FER1L5: variants seen among roughly 807,000 people sequenced by gnomAD.
FER1L5 encodes fer-1-like protein 5.
In FER1L5, 187 loss-of-function variants were observed where a neutral mutation model predicts 279.9. That is an observed-to-expected ratio of 0.67 (90% CI 0.59 to 0.75). The LOEUF (loss-of-function observed/expected upper bound fraction) is 0.75. Ranked by LOEUF, FER1L5 falls within the 30% of genes least tolerant of loss-of-function variation. FER1L5 has a pLI of 0.00. For synonymous variants in FER1L5, 921 were observed against 989.7 expected (o/e 0.93, Z 1.30); for missense variants, 2,091 against 2,594.4 (o/e 0.81, Z 4.21).
intron 37 of FER1L5, among the ~76,000 whole-genome samples, chr2:96,696,761 T>A (rs1291449862): frequency 4.6e-5 from 7 of 152,086 alleles, no homozygotes; most frequent in Non-Finnish European, 8.8e-5. Flanking sequence ...AAAAATTAGC[T>A]GAGCATGCTG....
intron 44 of FER1L5, 28 bp downstream of exon 44, chr2:96,700,108 GCA>G: frequency 6.2e-7 from 1 of 1,612,760 alleles, no homozygotes; most frequent in Non-Finnish European, 8.5e-7. Context: ...CTAGCAGAAA[GCA>G]CAGACACAGG....
chr2:96,698,359 G>C lies in FER1L5; in HGVS notation c.4356+203G>C, dbSNP rs527964770. Reference sequence around the variant, plus strand: ...CCCCTCCCCACCCTGGCCTATGCTGGCCTCCCAAGGCTGCAAAGCCACAGA... The same window carrying C: ...CCCCTCCCCACCCTGGCCTATGCTGCCCTCCCAAGGCTGCAAAGCCACAGA... On this transcript the variant is annotated intron_variant, in intron 40 of 52. Transcript: ENST00000624922. This position sits in a 1 kb window ranked among gnomAD's most constrained non-coding sequence, Gnocchi z 5.5. Among the ~76,000 whole-genome samples the C allele has an allele frequency of 3.3e-5, 5 of 152,264 alleles. No individual in the cohort carries two copies. The highest frequency in any genetic ancestry group is 1.2e-4 in the African/African-American group (5 of 41,562).
At chr2:96,685,827 T>C in intron 21 of FER1L5, 113 bp from the exon 22 acceptor site, 1 of 1,310,080 alleles carries the variant, frequency 7.6e-7, no homozygotes, top group Non-Finnish European at 1.0e-6. Flanking sequence ...TAGCAGCAGA[T>C]GGGGGCAGGA....
At chr2:96,657,289 G>A (rs549965555) in intron 9 of FER1L5, among the ~76,000 whole-genome samples, 38 of 151,918 alleles carry the variant, frequency 2.5e-4, no homozygotes, top group African/African-American at 4.8e-4. Context: ...CGGCCAGGCT[G>A]GTCTCAAACT....
At chr2:96,699,855 C>A in intron 43 of FER1L5, 77 bp from the exon 44 acceptor site, 3 of 1,584,600 alleles carry the variant, frequency 1.9e-6, no homozygotes, top group Non-Finnish European at 2.6e-6. Flanking sequence ...AGCTTCCACC[C>A]GTGGTCAACC....
chr2:96,651,949 G>A lies in FER1L5; in HGVS notation c.562G>A (p.Val188Met). The A allele has an allele frequency of 6.4e-7, 1 of 1,551,994 alleles. No homozygotes were observed. The highest frequency in any genetic ancestry group is 8.7e-7 in the Non-Finnish European group (1 of 1,147,058). The change falls in exon 7 of 53, where the codon GTG becomes ATG. Residue 188 changes from valine to methionine, a missense_variant. Coordinates refer to ENST00000624922, the MANE Select transcript of FER1L5 (RefSeq NM_001293083.2). ...QLMGNNIKPV[V>M]KVSIAGQQHQ... Reference sequence around the variant, plus strand: ...CATGGGCAACAACATCAAACCAGTGGTGAAGGTGTCCATCGCAGGCCAGCA... The same window carrying A: ...CATGGGCAACAACATCAAACCAGTGATGAAGGTGTCCATCGCAGGCCAGCA...
At chr2:96,673,020 A>T in intron 18 of FER1L5, 57 bp from the exon 19 acceptor site, 1 of 1,507,760 alleles carries the variant, frequency 6.6e-7, no homozygotes, top group East Asian at 2.5e-5. Context: ...CCTGCCTGTC[A>T]ATATAACCCT....
chr2:96,664,321 G>A (rs4907247), intron 14 of FER1L5, among the ~76,000 whole-genome samples: 1,856 of 152,094 alleles, frequency 0.012, 125 homozygotes, highest in Admixed American at 0.11. Flanking sequence ...AATGCCTCTT[G>A]GGAATCCCTC....
chr2:96,701,938 A>G lies in FER1L5; in HGVS notation c.5071-17A>G. ...GAGGCTAGCAACCCCCAACCAGTCA[A>G]TGTATCCCGGCTCTAGGGAAAGGTG... On this transcript the variant is annotated splice_polypyrimidine_tract_variant and intron_variant, in intron 45 of 52. Coordinates refer to ENST00000624922, the MANE Select transcript of FER1L5 (RefSeq NM_001293083.2). 6.2e-7 allele frequency: 1 copy of G among 1,613,380 alleles called. No homozygotes were observed. Among genetic ancestry groups the G allele is most frequent in the Non-Finnish European group, 8.5e-7 (1 of 1,179,466 alleles).
At chr2:96,643,630 G>A (rs1413683253) in intron 1 of FER1L5, among the ~76,000 whole-genome samples, 3 of 151,988 alleles carry the variant, frequency 2.0e-5, no homozygotes, top group Non-Finnish European at 2.9e-5. Context: ...GATTACAGGC[G>A]TGAGCCACCG....
Position 96,693,483 on chromosome 2 carries a change from T to C in FER1L5, c.3293-23T>C, listed in dbSNP as rs950306867. 3 of 1,542,304 alleles carry C rather than the reference T, an allele frequency of 1.9e-6. No individual in the cohort carries two copies. The African/African-American group carries it at 4.1e-5, about 21-fold the overall frequency. On this transcript the variant is annotated intron_variant, in intron 31 of 52. Transcript: ENST00000624922. ...CCCTCTTCCCAGCTCAAGACACTGC[T>C]ACCTTCTCCTCTACCCCTCCAGGGC... is the stretch of plus-strand genomic sequence containing the variant.
At position 96,691,953 on chromosome 2, in the gene FER1L5, C is replaced by A; in HGVS notation, c.3204C>A (p.Cys1068Ter). 6.5e-7 allele frequency: 1 copy of A among 1,548,792 alleles called. No homozygotes were observed. ...CCCCCAACTTGCCCTTCATCTACTGCACCTTCAATAGTAAGCACTGACTTG... is the reference window on the plus strand; with the variant it reads ...CCCCCAACTTGCCCTTCATCTACTGAACCTTCAATAGTAAGCACTGACTTG... ...TRPPNLPFIY[C>*]TFNKPHYYQL... The change falls in exon 30 of 53, where the codon TGC (cysteine) becomes TGA (stop). Residue 1068 changes from cysteine (C) to a stop codon, truncating the protein, a stop_gained. Transcript: ENST00000624922. LOFTEE classifies it high-confidence loss of function. The surrounding 1 kb of genome is among the most constrained non-coding windows in gnomAD (Gnocchi z 6.0).
chr2:96,650,345 G>A (rs2075310614), intron 6 of FER1L5, 56 bp downstream of exon 6: 3 of 1,433,138 alleles, frequency 2.1e-6, no homozygotes, highest in East Asian at 2.5e-5. Context: ...CTTGTTTGCT[G>A]TGTTCCCAGG....
At chr2:96,681,013 C>T (rs986322337) in intron 19 of FER1L5, among the ~76,000 whole-genome samples, 2 of 152,204 alleles carry the variant, frequency 1.3e-5, no homozygotes, top group African/African-American at 2.4e-5. Context: ...CGTGAGCCGC[C>T]GTTGCCCTGC....
chr2:96,682,362 G>A (rs2076762008), intron 19 of FER1L5, among the ~76,000 whole-genome samples: 2 of 152,244 alleles, frequency 1.3e-5, no homozygotes, highest in South Asian at 4.1e-4. Flanking sequence ...AAAGTGCTGG[G>A]ATTACAGGCG....
At chr2:96,672,191 G>C (rs1260120288) in intron 18 of FER1L5, among the ~76,000 whole-genome samples, 1 of 152,114 alleles carries the variant, frequency 6.6e-6, no homozygotes, top group East Asian at 1.9e-4. Flanking sequence ...CAATTCTCTT[G>C]CCTCAGCCTC....
In FER1L5 at chr2:96,685,367, G is replaced by A. The variant is rs776925712; in HGVS notation, c.1833G>A (p.Pro611=). The change falls in exon 21 of 53, where the codon CCG becomes CCA. Residue 611 remains proline, a synonymous_variant. Coordinates refer to ENST00000624922, the MANE Select transcript of FER1L5 (RefSeq NM_001293083.2). The part of the protein sequence containing the change: ...NLDTLKSTRN[P]KDPALLYQWE... ...ACACCCTGAAATCCACGCGGAATCC[G>A]AAGGATCCAGCTCTCCTCTACCAGT... 16 of 1,551,228 alleles carry A rather than the reference G, an allele frequency of 1.0e-5. No individual in the cohort carries two copies. The Admixed American group carries it at 2.0e-4, about 19-fold the overall frequency.
At position 96,693,673 on chromosome 2, in the gene FER1L5, C is replaced by G. The variant is rs1323880279; in HGVS notation, c.3460C>G (p.Gln1154Glu). 1.3e-6 allele frequency: 2 copies of G among 1,551,416 alleles called. No homozygotes were observed. Among genetic ancestry groups the G allele is most frequent in the Non-Finnish European group, 1.7e-6 (2 of 1,146,820 alleles). ...ACCGCTTGTGGTGCTGGAGCTGTGGCAGCGTGACTTCTGGGTAAGTTGGGC... is the reference window on the plus strand; with the variant it reads ...ACCGCTTGTGGTGCTGGAGCTGTGGGAGCGTGACTTCTGGGTAAGTTGGGC... Reference protein sequence around the residue: ...SPPLVVLELWQRDFWGKESLW... With the variant: ...SPPLVVLELWERDFWGKESLW... The change falls in exon 32 of 53, where the codon CAG (glutamine) becomes GAG (glutamate). Residue 1154 changes from glutamine to glutamate, a missense_variant. Gln to Glu is a conservative substitution (Grantham distance 29). Coordinates refer to ENST00000624922, the MANE Select transcript of FER1L5 (RefSeq NM_001293083.2).
intron 1 of FER1L5, among the ~76,000 whole-genome samples, chr2:96,643,840 C>A (rs1014721528): frequency 3.3e-5 from 5 of 149,544 alleles, no homozygotes; most frequent in African/African-American, 1.2e-4. Context: ...ATTTAGATAT[C>A]AAAGATCTGG....
Sources: allele counts gnomAD v4.1 joint callset (sites outside exome capture counted in the v4.1 genomes callset), GRCh38; gene constraint gnomAD v4.1.1; non-coding constraint Gnocchi (gnomAD v3.1); transcripts MANE v1.5; gene names NCBI Gene and HGNC (gene_info 2026-07-23, HGNC 2026-07-21).